The following CNTLN variants were observed in gnomAD, a reference collection of about 807,000 sequenced individuals.
CNTLN encodes the protein centlein.
In CNTLN, 212 loss-of-function variants were observed where a neutral mutation model predicts 180.0. The observed-to-expected ratio is 1.18, with a 90% CI of 1.05 to 1.32. CNTLN has a LOEUF of 1.32. Among genes scored for constraint, CNTLN ranks in the 40% most tolerant of loss-of-function variants. CNTLN has a pLI of 0.00. For synonymous variants in CNTLN, 722 were observed against 563.1 expected (o/e 1.28, Z -3.99); for missense variants, 2,095 against 1,610.9 (o/e 1.30, Z -5.14).
At chr9:17,243,047 G>A (rs1019413071) in intron 5 of CNTLN, among the ~76,000 whole-genome samples, 16 of 151,620 alleles carry the variant, frequency 1.1e-4, no homozygotes, top group African/African-American at 3.2e-4. Context: ...GGATTTATTC[G>A]TGGTTCTGTC....
intron 1 of CNTLN, among the ~76,000 whole-genome samples, chr9:17,140,027 T>A (rs1313960200): frequency 6.6e-6 from 1 of 152,186 alleles, no homozygotes; most frequent in African/African-American, 2.4e-5. Context: ...AAAAAGAACA[T>A]CTTTAAGTGC....
Position 17,199,917 on chromosome 9 carries a change from C to G in CNTLN, c.450-26286C>G, listed in dbSNP as rs372060826. 3.2e-4 allele frequency among the ~76,000 whole-genome samples: 49 copies of G among 152,260 alleles called. No individual in the cohort carries two copies. The South Asian group carries it at 7.5e-3, about 23-fold the overall frequency. ...ATGGTCATGAAGTCTTTGCCCTTGC[C>G]TATGTCCTGAATAGTATTGCTTAGG... On this transcript the variant is annotated intron_variant, in intron 2 of 25. Transcript: ENST00000380647.
At position 17,461,293 on chromosome 9, in the gene CNTLN, C is replaced by G. The variant is rs191581700; in HGVS notation, c.3307-1623C>G. ...AAGAATTGAAAATTAATGATTGAAGCAAACGCTTCAATTATTTGATAAATT... is the reference window on the plus strand; with the variant it reads ...AAGAATTGAAAATTAATGATTGAAGGAAACGCTTCAATTATTTGATAAATT... On this transcript the variant is annotated intron_variant, in intron 19 of 25. Transcript: ENST00000380647. Among the ~76,000 whole-genome samples, 3 of 151,648 alleles carry G rather than the reference C, an allele frequency of 2.0e-5. No individual in the cohort carries two copies. The East Asian group carries it at 5.8e-4, about 29-fold the overall frequency.
At chr9:17,308,919 C>G in intron 7 of CNTLN, 139 bp from the exon 8 acceptor site, 1 of 397,988 alleles carries the variant, frequency 2.5e-6, no homozygotes, top group Non-Finnish European at 4.4e-6. Context: ...TTCTTTCTCT[C>G]TGAGACTATT....
chr9:17,379,063 T>C (rs1825012550), intron 13 of CNTLN, among the ~76,000 whole-genome samples: 1 of 150,650 alleles, frequency 6.6e-6, no homozygotes, highest in Non-Finnish European at 1.5e-5. Context: ...TTTTTTTTTT[T>C]CTTTAGCAGT....
intron 23 of CNTLN, among the ~76,000 whole-genome samples, chr9:17,470,795 C>CA (rs575239839): frequency 4.8e-4 from 73 of 151,740 alleles, no homozygotes; most frequent in African/African-American, 1.6e-3. Flanking sequence ...AAATACCAGC[C>CA]AAAAAAACAG....
rs116425364 is a variant in CNTLN, at chr9:17,393,448, G to A, written c.2080-1086G>A. Among the ~76,000 whole-genome samples the A allele has an allele frequency of 4.0e-3, 608 of 152,068 alleles. 1 individual carries two copies. The highest frequency in any genetic ancestry group is 0.014 in the African/African-American group (565 of 41,484). On this transcript the variant is annotated intron_variant, in intron 14 of 25. Coordinates refer to ENST00000380647, the MANE Select transcript of CNTLN (RefSeq NM_017738.4). Reference sequence around the variant, plus strand: ...AGTTTTTTCTTGACTCCAAATCTTTGTTCATTTTCCATACACGTCTGAGTA... The same window carrying A: ...AGTTTTTTCTTGACTCCAAATCTTTATTCATTTTCCATACACGTCTGAGTA...
intron 1 of CNTLN, among the ~76,000 whole-genome samples, chr9:17,139,583 T>C (rs182126430): frequency 2.0e-5 from 3 of 151,956 alleles, no homozygotes; most frequent in African/African-American, 7.2e-5. Context: ...TTGCTTGAAC[T>C]TGGGAGGCGA....
intron 5 of CNTLN, among the ~76,000 whole-genome samples, chr9:17,270,644 G>A (rs1343899536): frequency 6.6e-6 from 1 of 152,040 alleles, no homozygotes; most frequent in Non-Finnish European, 1.5e-5. Context: ...TCTGTGTAAT[G>A]TTTCTCACAA....
the CNTLN span, among the ~76,000 whole-genome samples, chr9:17,519,259 T>C: frequency 1.4e-5 from 2 of 139,592 alleles, no homozygotes; most frequent in East Asian, 4.5e-4. Flanking sequence ...TTTTTTTTTT[T>C]AATCAAAGAA....
rs554153009 is a variant in CNTLN at position 17,407,588 on chromosome 9, A to G, written c.2616-1705A>G. On this transcript the variant is annotated intron_variant, in intron 15 of 25. Coordinates refer to ENST00000380647, the MANE Select transcript of CNTLN (RefSeq NM_017738.4). ...TATAAAATACCAGTTGCACTGTACA[A>G]TGGGAGAAATATGTGGCTTTAATAG... 9.4e-4 allele frequency among the ~76,000 whole-genome samples: 143 copies of G among 152,180 alleles called. 1 individual carries two copies. The highest frequency in any genetic ancestry group is 9.8e-4 in the Admixed American group (15 of 15,268).
chr9:17,322,731 C>A (rs1037331970), intron 8 of CNTLN, among the ~76,000 whole-genome samples: 15 of 151,834 alleles, frequency 9.9e-5, no homozygotes, highest in Non-Finnish European at 1.5e-4. Context: ...TGTTTAGCTG[C>A]CTTTCCACAG....
chr9:17,347,109 A>C (rs1220616927), intron 12 of CNTLN, among the ~76,000 whole-genome samples: 2 of 151,950 alleles, frequency 1.3e-5, no homozygotes, highest in Middle Eastern at 3.2e-3. Context: ...TTTCTATTTA[A>C]TTTATTTTAA....
chr9:17,338,496 A>C (rs910612916), intron 10 of CNTLN, among the ~76,000 whole-genome samples: 1 of 151,532 alleles, frequency 6.6e-6, no homozygotes, highest in Non-Finnish European at 1.5e-5. Flanking sequence ...TAATTAAATT[A>C]TTAATAAATT....
rs1170363505 is a variant in CNTLN at position 17,447,752 on chromosome 9, A to G, written c.3115-9772A>G. The G allele has an allele frequency of 3.2e-5, 5 of 154,314 alleles. No individual in the cohort carries two copies. In the Admixed American group the frequency reaches 3.3e-4, roughly 10 times the overall value. The allele number at this position is 154,314 out of a possible 1,614,324, so 9.6% of individuals were successfully genotyped here. Reference sequence around the variant, plus strand: ...TAAGATGGAAGAATTCTGAAAATCGATGACCATGGCATGTGAAAGACATGA... The same window carrying G: ...TAAGATGGAAGAATTCTGAAAATCGGTGACCATGGCATGTGAAAGACATGA... On this transcript the variant is annotated intron_variant, in intron 18 of 25. Transcript: ENST00000380647.
At chr9:17,151,550 G>C (rs1003859103) in intron 2 of CNTLN, among the ~76,000 whole-genome samples, 9 of 152,210 alleles carry the variant, frequency 5.9e-5, no homozygotes, top group African/African-American at 2.2e-4. Flanking sequence ...TGTGCTGCTG[G>C]ATTTGGTTTG....
intron 10 of CNTLN, among the ~76,000 whole-genome samples, chr9:17,336,713 T>TA (rs979762675): frequency 1.3e-5 from 2 of 152,168 alleles, no homozygotes; most frequent in African/African-American, 4.8e-5. Flanking sequence ...AACCTTTTTT[T>TA]AAAAAAATTA....
intron 6 of CNTLN, among the ~76,000 whole-genome samples, chr9:17,293,574 C>T (rs1817561933): frequency 2.0e-5 from 3 of 152,210 alleles, no homozygotes; most frequent in Non-Finnish European, 4.4e-5. Context: ...GCCATAGCCA[C>T]TGTGAGTGCT....
intron 6 of CNTLN, among the ~76,000 whole-genome samples, chr9:17,294,755 G>A (rs1253638799): frequency 4.3e-5 from 5 of 116,054 alleles, no homozygotes; most frequent in African/African-American, 6.5e-5. Flanking sequence ...CTGTGGCTGC[G>A]CAGGAGCCCA....
Sources: gnomAD v4.1 joint callset for allele counts (sites outside exome capture counted in the v4.1 genomes callset) on GRCh38, gnomAD v4.1.1 for gene constraint, MANE v1.5 for transcripts, NCBI Gene and HGNC (gene_info 2026-07-23, HGNC 2026-07-21) for gene names.